HMCN1: variants seen among roughly 807,000 people sequenced by gnomAD.
The protein encoded by HMCN1 is hemicentin 1.
Under a neutral mutation model 625.9 loss-of-function variants are expected in HMCN1, and 321 were observed. The observed-to-expected ratio is 0.51, with a 90% confidence interval of 0.47 to 0.56. HMCN1 has a LOEUF of 0.56. Ranked by LOEUF, HMCN1 falls within the 20% of genes least tolerant of loss-of-function variation. The pLI is 0.00. For synonymous variants in HMCN1, 2,425 were observed against 2,417.6 expected (o/e 1.00, Z -0.09); for missense variants, 6,588 against 6,887.3 (o/e 0.96, Z 1.54).
chr1:186,158,848 A>G (rs1438648770), intron 97 of HMCN1, among the ~76,000 whole-genome samples: 1 of 151,596 alleles, frequency 6.6e-6, no homozygotes, highest in African/African-American at 2.4e-5. Context: ...GCCTTGTAGT[A>G]TAGTTTGAAG....
In HMCN1 at chr1:186,093,535, T is replaced by C; in HGVS notation, c.10062T>C (p.Thr3354=). ...AAGATGAAGCAGAGAAACTAATGAC[T>C]TTAGTGGATACTTCAATAAATATTG... ...GNKDEAEKLM[T]LVDTSINIEC... The change falls in exon 66 of 107, where the codon ACT becomes ACC. Residue 3354 remains threonine, a synonymous_variant. Coordinates refer to ENST00000271588, the MANE Select transcript of HMCN1 (RefSeq NM_031935.3). 1 of 1,613,476 alleles carries C rather than the reference T, an allele frequency of 6.2e-7. No homozygotes were observed. Among genetic ancestry groups the C allele is most frequent in the Non-Finnish European group, 8.5e-7 (1 of 1,179,608 alleles).
At position 186,086,238 on chromosome 1, in the gene HMCN1, T is replaced by A; in HGVS notation, c.8885-8T>A. The A allele has an allele frequency of 6.2e-7, 1 of 1,604,982 alleles. No homozygotes were observed. The highest frequency in any genetic ancestry group is 2.2e-5 in the East Asian group (1 of 44,786). On this transcript the variant is annotated splice_polypyrimidine_tract_variant and splice_region_variant and intron_variant, in intron 57 of 106. Coordinates refer to ENST00000271588, the MANE Select transcript of HMCN1 (RefSeq NM_031935.3). Reference sequence around the variant, plus strand: ...CTGCTTTCACTTTTAATATATTTACTATTATAGTTCCTCCAAGTGTCATTG... The same window carrying A: ...CTGCTTTCACTTTTAATATATTTACAATTATAGTTCCTCCAAGTGTCATTG...
At chr1:185,999,604 C>T (rs542409990) in intron 25 of HMCN1, among the ~76,000 whole-genome samples, 503 of 152,222 alleles carry the variant, frequency 3.3e-3, no homozygotes, top group Middle Eastern at 0.017. Flanking sequence ...AACATCGTGT[C>T]TCCATATCAT....
At chr1:185,900,663 T>A (rs1232293610) in intron 4 of HMCN1, among the ~76,000 whole-genome samples, 2 of 151,986 alleles carry the variant, frequency 1.3e-5, no homozygotes, top group Non-Finnish European at 2.9e-5. Flanking sequence ...TGCACTATTA[T>A]ATGCTCTATT....
At position 186,114,815 on chromosome 1, in the gene HMCN1, G is replaced by A. The variant is rs964878784; in HGVS notation, c.11277-4G>A. On this transcript the variant is annotated splice_polypyrimidine_tract_variant and splice_region_variant and intron_variant, in intron 73 of 106. Transcript: ENST00000271588. ...GAAGACTTCACTTGTGATTTCTCTT[G>A]TAGATATTCCATCTTGGAAAATGGA... is the stretch of plus-strand genomic sequence containing the variant. The A allele has an allele frequency of 5.0e-6, 8 of 1,614,102 alleles. No individual in the cohort carries two copies. The highest frequency in any genetic ancestry group is 2.2e-5 in the South Asian group (2 of 91,082).
At chr1:186,023,470 C>G (rs2102167344) in intron 36 of HMCN1, among the ~76,000 whole-genome samples, 1 of 152,162 alleles carries the variant, frequency 6.6e-6, no homozygotes, top group African/African-American at 2.4e-5. Flanking sequence ...CAGAAGTTGA[C>G]AGCATTGTTT....
chr1:185,850,628 T>C (rs531729450), intron 2 of HMCN1, among the ~76,000 whole-genome samples: 1 of 152,284 alleles, frequency 6.6e-6, no homozygotes, highest in African/African-American at 2.4e-5. Context: ...CCCTCTGGAA[T>C]TGAATCTGAT....
rs71101980 is a variant in HMCN1 at position 185,858,586 on chromosome 1, ATTTTTTTTTTTTTTTTTTTT to A, written c.340-5856_340-5837del. ...GCCTATATGCCACCACACCCAGCTAATTTTTTTTTTTTTTTTTTTTTTTTTTTTTTTTTTTTTTTTTTTTT... is the reference window on the plus strand; with the variant it reads ...GCCTATATGCCACCACACCCAGCTAATTTTTTTTTTTTTTTTTTTTTTTTT... On this transcript the variant is annotated intron_variant, in intron 2 of 106. Coordinates refer to ENST00000271588, the MANE Select transcript of HMCN1 (RefSeq NM_031935.3). Among the ~76,000 whole-genome samples the A allele has an allele frequency of 5.2e-3, 179 of 34,740 alleles. 3 individuals carry two copies. Among genetic ancestry groups the A allele is most frequent in the Non-Finnish European group, 6.1e-3 (110 of 17,936 alleles). 22.8% of individuals were successfully genotyped at this position (34,740 alleles called of 152,430 possible).
intron 1 of HMCN1, among the ~76,000 whole-genome samples, chr1:185,763,206 A>G (rs72733227): frequency 0.024 from 3,609 of 152,330 alleles, 72 homozygotes; most frequent in Non-Finnish European, 0.038. Flanking sequence ...ACAAAGGCAC[A>G]TGGCGACATT....
chr1:186,007,342 G>T, intron 30 of HMCN1, 60 bp downstream of exon 30: 4 of 1,473,304 alleles, frequency 2.7e-6, no homozygotes, highest in South Asian at 2.3e-5. Context: ...GACAAGCAGG[G>T]TTTACTGGTA....
chr1:186,169,963 A>C (rs1264137790), intron 100 of HMCN1, among the ~76,000 whole-genome samples: 1 of 152,012 alleles, frequency 6.6e-6, no homozygotes, highest in Non-Finnish European at 1.5e-5. Context: ...TCTACAAGGA[A>C]CTTAAATTTA....
Position 186,087,269 on chromosome 1 carries a change from C to T in HMCN1, c.9099C>T (p.Tyr3033=). Residue 3033 remains tyrosine, a synonymous_variant, in exon 59 of 107, where the codon TAC becomes TAT. Transcript: ENST00000271588. The part of the protein sequence containing the change: ...IRAKVSDGGE[Y]TCIAINQAGE... ...CCAAGGTATCAGATGGTGGTGAATA[C>T]ACTTGTATAGCTATCAATCAAGCTG... is the stretch of plus-strand genomic sequence containing the variant. 1 of 1,613,240 alleles carries T rather than the reference C, an allele frequency of 6.2e-7. No homozygotes were observed. Among genetic ancestry groups the T allele is most frequent in the Admixed American group, 1.7e-5 (1 of 59,888 alleles).
intron 2 of HMCN1, among the ~76,000 whole-genome samples, chr1:185,848,406 C>T (rs1260425202): frequency 6.6e-6 from 1 of 152,102 alleles, no homozygotes; most frequent in Non-Finnish European, 1.5e-5. Flanking sequence ...TTTTTAATCT[C>T]ATTTTTCCTA....
intron 93 of HMCN1, among the ~76,000 whole-genome samples, chr1:186,147,060 C>T (rs938625091): frequency 6.6e-5 from 10 of 152,208 alleles, no homozygotes; most frequent in African/African-American, 2.4e-4. Context: ...AATGGCCTAC[C>T]GGGCCTTGAC....
In HMCN1 at chr1:186,015,299, A is replaced by G. The variant is rs751900883; in HGVS notation, c.4771A>G (p.Ser1591Gly). 4 of 1,613,700 alleles carry G rather than the reference A, an allele frequency of 2.5e-6. No homozygotes were observed. The highest frequency in any genetic ancestry group is 1.3e-5 in the African/African-American group (1 of 74,914). The change falls in exon 31 of 107, where the codon AGC becomes GGC. Residue 1591 changes from serine to glycine, a missense_variant. Ser to Gly is a moderately conservative substitution (Grantham distance 56). This residue lies in a region of HMCN1 where 4,628 missense variants were observed against 4,853.1 expected (regional missense o/e 0.95). Coordinates refer to ENST00000271588, the MANE Select transcript of HMCN1 (RefSeq NM_031935.3). ...WYKDGQPIMS[S>G]SQALYIDKGQ... is the part of the protein sequence containing the mutation. ...TAAGGACGGGCAGCCAATCATGTCC[A>G]GCTCACAAGCACTTTATATTGATAA...
chr1:185,865,824 T>C lies in HMCN1; in HGVS notation c.582T>C (p.Ser194=), dbSNP rs1663155388. The change falls in exon 4 of 107, where the codon TCT becomes TCC. Residue 194 remains serine (S), a synonymous_variant. Coordinates refer to ENST00000271588, the MANE Select transcript of HMCN1 (RefSeq NM_031935.3). ...KVYEEIASTS[S]GQVFHLDKKQ... ...ATGAAGAAATTGCCTCTACAAGTTC[T>C]GGTCAAGTGTTCCATCTGGACAAAA... The C allele has an allele frequency of 1.9e-6, 3 of 1,613,620 alleles. No individual in the cohort carries two copies. In the South Asian group the frequency reaches 3.3e-5, roughly 18 times the overall value.
At chr1:185,783,728 G>A (rs61831533) in intron 1 of HMCN1, among the ~76,000 whole-genome samples, 38 of 152,274 alleles carry the variant, frequency 2.5e-4, no homozygotes, top group Non-Finnish European at 4.6e-4. Flanking sequence ...AGGGGTACCC[G>A]GCCATGTGAG....
At chr1:186,163,957 A>G (rs1315411148) in intron 97 of HMCN1, among the ~76,000 whole-genome samples, 2 of 152,242 alleles carry the variant, frequency 1.3e-5, no homozygotes, top group Non-Finnish European at 2.9e-5. Flanking sequence ...CTATGTTTAC[A>G]TGACATATTT....
intron 1 of HMCN1, among the ~76,000 whole-genome samples, chr1:185,782,611 A>G (rs1657216781): frequency 6.6e-6 from 1 of 152,204 alleles, no homozygotes; most frequent in Non-Finnish European, 1.5e-5. Flanking sequence ...TATGAAGCTT[A>G]GTTTGGCTGG....
Sources: allele counts gnomAD v4.1 joint callset (sites outside exome capture counted in the v4.1 genomes callset), GRCh38; gene constraint gnomAD v4.1.1; regional missense constraint gnomAD v4.1.1; transcripts MANE v1.5; gene names NCBI Gene and HGNC (gene_info 2026-07-23, HGNC 2026-07-21).